The following USP35 variants were observed in gnomAD, a reference collection of about 807,000 sequenced individuals.
The protein encoded by USP35 is ubiquitin specific peptidase 35, also known as ubiquitin carboxyl-terminal hydrolase 35.
A neutral mutation model predicts 83.8 loss-of-function variants in USP35; 69 were observed. The ratio of observed to expected loss-of-function variants is 0.82; its 90% CI spans 0.68 to 1.01. The LOEUF is 1.01. USP35 is among the 50% of genes least tolerant of loss of function. The pLI, the probability that USP35 is intolerant of heterozygous loss-of-function variation, is 0.00. For missense variants in USP35, 1,503 were observed against 1,362.5 expected, an observed-to-expected ratio of 1.10 and a Z score of -1.62; for synonymous variants, 714 against 589.5, an observed-to-expected ratio of 1.21 and a Z score of -3.06.
In USP35 at chr11:78,200,722, G is replaced by T; in HGVS notation, c.1111G>T (p.Glu371Ter). 6.2e-7 allele frequency: 1 copy of T among 1,614,156 alleles called. No individual in the cohort carries two copies. Among genetic ancestry groups the T allele is most frequent in the East Asian group, 2.2e-5 (1 of 44,870 alleles). ...CTCGAACTCGGGGACCAGCTGCCTGGAGCAGCTGGCGGAGCTGGTCCACTG... is the reference window on the plus strand; with the variant it reads ...CTCGAACTCGGGGACCAGCTGCCTGTAGCAGCTGGCGGAGCTGGTCCACTG... Reference protein sequence around the residue: ...EDSNSGTSCLEQLAELVHCMV... With the variant: ...EDSNSGTSCL Residue 371 changes from glutamate (E) to a stop codon, truncating the protein, a stop_gained, in exon 6 of 11, where the codon GAG becomes TAG. Transcript: ENST00000529308. LOFTEE classifies it high-confidence loss of function.
chr11:78,235,092 T>G, the USP35 span, among the ~76,000 whole-genome samples: 1 of 152,138 alleles, frequency 6.6e-6, no homozygotes, highest in Admixed American at 6.5e-5. Context: ...GAGATTAACA[T>G]TAGGCTCCTT....
the USP35 span, among the ~76,000 whole-genome samples, chr11:78,232,285 A>T: frequency 6.6e-6 from 1 of 152,178 alleles, no homozygotes; most frequent in Non-Finnish European, 1.5e-5. Flanking sequence ...CTCACCAATG[A>T]AATTTCACTC....
At chr11:78,207,277 A>G in intron 7 of USP35, 1 of 406,928 alleles carries the variant, frequency 2.5e-6, no homozygotes, top group Non-Finnish European at 4.5e-6. Flanking sequence ...CAGAGCTGGA[A>G]GGGGCTACAA....
the USP35 span, among the ~76,000 whole-genome samples, chr11:78,227,509 C>G: frequency 6.6e-6 from 1 of 151,830 alleles, no homozygotes; most frequent in Non-Finnish European, 1.5e-5. Context: ...TTATTTGGGT[C>G]AGGTGCAGTG....
At chr11:78,220,311 C>A in the USP35 span, 1 of 1,612,176 alleles carries the variant, frequency 6.2e-7, no homozygotes, top group African/African-American at 1.3e-5. Flanking sequence ...CAACTCTACT[C>A]CAGGCACCTT....
chr11:78,233,183 G>A, the USP35 span, among the ~76,000 whole-genome samples: 4 of 152,120 alleles, frequency 2.6e-5, no homozygotes, highest in Admixed American at 2.0e-4. Context: ...GGGGCTACAG[G>A]CATGTGCCAC....
At chr11:78,211,692 T>C (rs1050842644) in intron 10 of USP35, among the ~76,000 whole-genome samples, 5 of 152,236 alleles carry the variant, frequency 3.3e-5, no homozygotes, top group Non-Finnish European at 7.3e-5. Flanking sequence ...ATTTCTCTAA[T>C]GGTCAGTGAT....
chr11:78,215,555 C>G (rs1010542215), downstream of USP35: 4 of 152,538 alleles, frequency 2.6e-5, no homozygotes, highest in Admixed American at 2.0e-4. Flanking sequence ...GACAAGAACT[C>G]AAGACTGGGC....
chr11:78,220,901 C>G, the USP35 span, among the ~76,000 whole-genome samples: 1 of 152,138 alleles, frequency 6.6e-6, no homozygotes, highest in Non-Finnish European at 1.5e-5. Context: ...TTTCTTCTGT[C>G]GCACCAAATC....
Position 78,213,853 on chromosome 11 carries a change from CCAGGTAGGGCCTGAGGGAAGCTGTGGAGG to C in USP35, c.*45_*73del, listed in dbSNP as rs771664340. 2.7e-5 allele frequency: 42 copies of C among 1,528,952 alleles called. No homozygotes were observed. In the East Asian group the frequency reaches 4.4e-4, roughly 16 times the overall value. The allele number at this position is 1,528,952 out of a possible 1,614,324, so 94.7% of individuals were successfully genotyped here. A position where few individuals can be genotyped will look rare whatever the true frequency, so the allele number is the denominator to read the frequency against. The stretch of plus-strand genomic sequence containing the variant: ...CAACCTGACCCCTTCCCTCCAGGAG[CCAGGTAGGGCCTGAGGGAAGCTGTGGAGG>C]CAGGCCCTACCAAGAGGAAGGATGG... On this transcript the variant is annotated 3_prime_UTR_variant, in exon 11 of 11. Coordinates refer to ENST00000529308, the MANE Select transcript of USP35 (RefSeq NM_020798.4).
chr11:78,199,363 G>C, intron 3 of USP35: 1 of 554,796 alleles, frequency 1.8e-6, no homozygotes, highest in Middle Eastern at 5.2e-4. Flanking sequence ...GGGGTGCTGA[G>C]AGGGCCTGGC....
chr11:78,235,923 C>G, the USP35 span, among the ~76,000 whole-genome samples: 1 of 152,232 alleles, frequency 6.6e-6, no homozygotes, highest in South Asian at 2.1e-4. Flanking sequence ...AGCAACGCCC[C>G]ACTCTACTGG....
At chr11:78,232,913 T>TA in the USP35 span, among the ~76,000 whole-genome samples, 2 of 152,212 alleles carry the variant, frequency 1.3e-5, no homozygotes, top group African/African-American at 2.4e-5. Context: ...GTACCTAATG[T>TA]AAAAGTGCTT....
At chr11:78,189,337 C>T (rs1862929660) in intron 1 of USP35, among the ~76,000 whole-genome samples, 180 bp downstream of exon 1, 1 of 152,220 alleles carries the variant, frequency 6.6e-6, no homozygotes, top group Non-Finnish European at 1.5e-5. Flanking sequence ...GCATTAATCC[C>T]CTCCCTTCAT....
At chr11:78,205,774 AGAG>A in intron 6 of USP35, 65 bp from the exon 7 acceptor site, 1 of 1,536,008 alleles carries the variant, frequency 6.5e-7, no homozygotes, top group Non-Finnish European at 8.8e-7. Context: ...GCCTCCCAGA[AGAG>A]GTGGTAGTTT....
chr11:78,206,534 G>A (rs1186582097), intron 7 of USP35, among the ~76,000 whole-genome samples: 2 of 152,158 alleles, frequency 1.3e-5, no homozygotes, highest in African/African-American at 2.4e-5. Context: ...TTTTCTCTGA[G>A]CGTCAGGTTC....
chr11:78,231,237 G>C, the USP35 span, among the ~76,000 whole-genome samples: 1,022 of 152,302 alleles, frequency 6.7e-3, 9 homozygotes, highest in African/African-American at 0.023. Context: ...GCAGTGCCAA[G>C]TGCCTTCCCT....
At chr11:78,212,895 G>T (rs1420098289) in intron 10 of USP35, among the ~76,000 whole-genome samples, 1 of 152,278 alleles carries the variant, frequency 6.6e-6, no homozygotes, top group East Asian at 1.9e-4. Flanking sequence ...GTCTGAGGGG[G>T]AGGAGGATGC....
Position 78,196,166 on chromosome 11 carries a change from C to T in USP35, c.-10-70C>T, listed in dbSNP as rs898040931. On this transcript the variant is annotated intron_variant, in intron 1 of 10. Coordinates refer to ENST00000529308, the MANE Select transcript of USP35 (RefSeq NM_020798.4). This position sits in a 1 kb window ranked among gnomAD's most constrained non-coding sequence, Gnocchi z 4.8. ...GTTGCTTGCCCTAAGTCTCAGCACT[C>T]GGGGACTGCACCGGGAACTCTTGAG... The T allele has an allele frequency of 5.4e-6, 8 of 1,490,704 alleles. No homozygotes were observed. The highest frequency in any genetic ancestry group is 4.6e-5 in the Admixed American group (2 of 43,334). 92.3% of individuals were successfully genotyped at this position (1,490,704 alleles called of 1,614,324 possible). A position where few individuals can be genotyped will look rare whatever the true frequency, so the allele number is the denominator to read the frequency against.
Sources: allele counts gnomAD v4.1 joint callset (sites outside exome capture counted in the v4.1 genomes callset), GRCh38; gene constraint gnomAD v4.1.1; non-coding constraint Gnocchi (gnomAD v3.1); transcripts MANE v1.5; gene names NCBI Gene and HGNC (gene_info 2026-07-23, HGNC 2026-07-21).